Variants in RIPOR1 observed in about 807,000 individuals in gnomAD.
The protein encoded by RIPOR1 is rho family-interacting cell polarization regulator 1.
A neutral mutation model predicts 116.5 loss-of-function variants in RIPOR1; 58 were observed. That is an observed-to-expected ratio of 0.50 (90% CI 0.40 to 0.62). The LOEUF (loss-of-function observed/expected upper bound fraction) is 0.62, where lower values mean the gene tolerates loss of function less well. Ranked by LOEUF, RIPOR1 falls within the 20% of genes least tolerant of loss-of-function variation. RIPOR1 has a pLI of 0.00. For missense variants in RIPOR1, 1,372 were observed against 1,586.2 expected (o/e 0.86, Z 2.29); for synonymous variants, 605 against 650.0 (o/e 0.93, Z 1.05).
At position 67,545,172 on chromosome 16, in the gene RIPOR1, C is replaced by T. The variant is rs2051125684; in HGVS notation, c.3031+55C>T. The T allele has an allele frequency of 9.4e-6, 15 of 1,594,952 alleles. No individual in the cohort carries two copies. The highest frequency in any genetic ancestry group is 1.1e-5 in the Non-Finnish European group (13 of 1,171,532). On this transcript the variant is annotated intron_variant, in intron 17 of 21. Coordinates refer to ENST00000042381, the MANE Select transcript of RIPOR1 (RefSeq NM_024519.4). The surrounding 1 kb of genome is among the most constrained non-coding windows in gnomAD (Gnocchi z 4.8). Reference sequence around the variant, plus strand: ...TGCTCAGATTCCCAGTGACAGGAAGCTCGGGGAAGCCAGGTCAGCCCACAC... The same window carrying T: ...TGCTCAGATTCCCAGTGACAGGAAGTTCGGGGAAGCCAGGTCAGCCCACAC...
rs1199687834 is a variant in RIPOR1 at position 67,541,161 on chromosome 16, G to T, written c.802-269G>T. 6.6e-6 allele frequency among the ~76,000 whole-genome samples: 1 copy of T among 151,894 alleles called. No individual in the cohort carries two copies. The highest frequency in any genetic ancestry group is 1.5e-5 in the Non-Finnish European group (1 of 68,000). On this transcript the variant is annotated intron_variant, in intron 10 of 21. Transcript: ENST00000042381. The surrounding 1 kb of genome is among the most constrained non-coding windows in gnomAD (Gnocchi z 4.6). ...CCTCACTGCAGTCTCAAACTCCTGG[G>T]CTCAACCCATCCTCCCACTTCAGCC... is the stretch of plus-strand genomic sequence containing the variant.
Position 67,540,761 on chromosome 16 carries a change from C to T in RIPOR1, c.801+57C>T. The T allele has an allele frequency of 3.3e-6, 5 of 1,514,068 alleles. No individual in the cohort carries two copies. The highest frequency in any genetic ancestry group is 4.4e-6 in the Non-Finnish European group (5 of 1,124,634). 93.8% of individuals were successfully genotyped at this position (1,514,068 alleles called of 1,614,324 possible). A position where few individuals can be genotyped will look rare whatever the true frequency, so the allele number is the denominator to read the frequency against. On this transcript the variant is annotated intron_variant, in intron 10 of 21. Transcript: ENST00000042381. The surrounding 1 kb of genome is among the most constrained non-coding windows in gnomAD (Gnocchi z 4.7). ...ATGGCCCTGTGAACCCCTTGTGACC[C>T]CCATTACCCTGAGTCCCTTACTCCT...
In RIPOR1 at chr16:67,545,811, TCAGCAC is replaced by T; in HGVS notation, c.3340_3345del (p.Ser1114_Thr1115del). 6.2e-7 allele frequency: 1 copy of T among 1,611,238 alleles called. No individual in the cohort carries two copies. Among genetic ancestry groups the T allele is most frequent in the Non-Finnish European group, 8.5e-7 (1 of 1,178,592 alleles). On this transcript the variant is annotated inframe_deletion, in exon 19 of 22. Transcript: ENST00000042381. This position sits in a 1 kb window ranked among gnomAD's most constrained non-coding sequence, Gnocchi z 4.8. ...GGCAACAACAAGGTCATGGCTGCTG[TCAGCAC>T]CCAGCTCCGGAGCCTGTCACTGGGC...
At chr16:67,522,764 C>A (rs2050505742) in intron 1 of RIPOR1, among the ~76,000 whole-genome samples, 1 of 152,182 alleles carries the variant, frequency 6.6e-6, no homozygotes, top group South Asian at 2.1e-4. Context: ...CATGGCTCAA[C>A]TACCACTAGC....
Position 67,540,418 on chromosome 16 carries a change from A to T in RIPOR1, c.632-40A>T. The stretch of plus-strand genomic sequence containing the variant: ...TGGAGGGAGTATGCTGAAGAACCCC[A>T]ATATGGCTCACCGACTTCTCCCCTT... On this transcript the variant is annotated intron_variant, in intron 8 of 21. Transcript: ENST00000042381. This position sits in a 1 kb window ranked among gnomAD's most constrained non-coding sequence, Gnocchi z 4.7. 1 of 1,614,136 alleles carries T rather than the reference A, an allele frequency of 6.2e-7. No homozygotes were observed. The highest frequency in any genetic ancestry group is 8.5e-7 in the Non-Finnish European group (1 of 1,180,020).
chr16:67,539,080 G>T lies in RIPOR1; in HGVS notation c.336+12G>T. 6.2e-7 allele frequency: 1 copy of T among 1,610,774 alleles called. No individual in the cohort carries two copies. Among genetic ancestry groups the T allele is most frequent in the Non-Finnish European group, 8.5e-7 (1 of 1,178,860 alleles). The stretch of plus-strand genomic sequence containing the variant: ...GGAATTCCCGCTTGGTGAGTGGCGG[G>T]AGGTACGGATGCCCTTTGCCTCTTT... On this transcript the variant is annotated intron_variant, in intron 4 of 21. Transcript: ENST00000042381.
chr16:67,522,841 T>C (rs2050506382), intron 1 of RIPOR1, among the ~76,000 whole-genome samples: 1 of 151,402 alleles, frequency 6.6e-6, no homozygotes, highest in South Asian at 2.1e-4. Flanking sequence ...ACACTCTTCC[T>C]CTGGGTTGTT....
chr16:67,533,474 G>C (rs1298063203), intron 1 of RIPOR1, among the ~76,000 whole-genome samples: 6 of 152,140 alleles, frequency 3.9e-5, no homozygotes, highest in Non-Finnish European at 8.8e-5. Context: ...TGCAGCCAGA[G>C]AGGTAGATAG....
chr16:67,544,259 ATG>A lies in RIPOR1; in HGVS notation c.2601-35_2601-34del. ...AATAAACGCTGGTGACCAGGTGGTG[ATG>A]TGTGCCTGTGGGGTGGTGGACCCCA... On this transcript the variant is annotated intron_variant, in intron 14 of 21. Coordinates refer to ENST00000042381, the MANE Select transcript of RIPOR1 (RefSeq NM_024519.4). The surrounding 1 kb of genome is among the most constrained non-coding windows in gnomAD (Gnocchi z 5.1). 6.4e-7 allele frequency: 1 copy of A among 1,571,306 alleles called. No homozygotes were observed.
In RIPOR1 at chr16:67,531,128, C is replaced by T. The variant is rs2050650429; in HGVS notation, c.-24+2214C>T. Among the ~76,000 whole-genome samples, 1 of 152,072 alleles carries T rather than the reference C, an allele frequency of 6.6e-6. No individual in the cohort carries two copies. Among genetic ancestry groups the T allele is most frequent in the Admixed American group, 6.5e-5 (1 of 15,268 alleles). On this transcript the variant is annotated intron_variant, in intron 1 of 21. Coordinates refer to ENST00000042381, the MANE Select transcript of RIPOR1 (RefSeq NM_024519.4). The surrounding 1 kb of genome is among the most constrained non-coding windows in gnomAD (Gnocchi z 4.2). ...CAAGTCCAGAATCCCAGGGGATCCC[C>T]ACCCTGCACCATCCCAGGGAGCAGA...
At chr16:67,532,543 T>C (rs1357524354) in intron 1 of RIPOR1, among the ~76,000 whole-genome samples, 3 of 152,120 alleles carry the variant, frequency 2.0e-5, no homozygotes, top group Non-Finnish European at 4.4e-5. Context: ...CCCCAAACAC[T>C]TCCTATAGAG....
intron 4 of RIPOR1, 118 bp downstream of exon 4, chr16:67,539,186 A>C (rs1482418223): frequency 6.0e-6 from 5 of 831,968 alleles, no homozygotes; most frequent in Non-Finnish European, 9.3e-6. Flanking sequence ...TGTGAGTAGA[A>C]AAGGGGATAT....
At position 67,543,923 on chromosome 16, in the gene RIPOR1, T is replaced by C. The variant is rs2051081358; in HGVS notation, c.2601-376T>C. On this transcript the variant is annotated intron_variant, in intron 14 of 21. Coordinates refer to ENST00000042381, the MANE Select transcript of RIPOR1 (RefSeq NM_024519.4). This position sits in a 1 kb window ranked among gnomAD's most constrained non-coding sequence, Gnocchi z 4.7. ...CTCAACTGTCAGTCCTGGAGTGGCC[T>C]TTGCTGGTTCCCAGTTGAGAGTTGT... 5.6e-6 allele frequency: 2 copies of C among 358,682 alleles called. No individual in the cohort carries two copies. Among genetic ancestry groups the C allele is most frequent in the South Asian group, 7.5e-5 (2 of 26,562 alleles). The allele number at this position is 358,682 out of a possible 1,614,324, so 22.2% of individuals were successfully genotyped here.
intron 1 of RIPOR1, among the ~76,000 whole-genome samples, chr16:67,532,144 C>T (rs1367688392): frequency 6.6e-6 from 1 of 152,078 alleles, no homozygotes; most frequent in African/African-American, 2.4e-5. Flanking sequence ...CATGATCCGC[C>T]CTCCTCAGCC....
rs746020180 is a variant in RIPOR1 at position 67,540,482 on chromosome 16, G to A, written c.656G>A (p.Cys219Tyr). Residue 219 changes from cysteine to tyrosine, a missense_variant, in exon 9 of 22, where the codon TGT becomes TAT. By Grantham distance (194) the Cys-to-Tyr change is radical (BLOSUM62 -2). Transcript: ENST00000042381. This position sits in a 1 kb window ranked among gnomAD's most constrained non-coding sequence, Gnocchi z 4.7. ...GGGCTGGCTGGCTTCGCCAGGCTGT[G>A]TGTAGGCGATCAGTATGAGGTATGA... ...MKGLAGFARL[C>Y]VGDQYEICMK... The A allele has an allele frequency of 1.9e-6, 3 of 1,614,184 alleles. No homozygotes were observed. The highest frequency in any genetic ancestry group is 1.1e-5 in the South Asian group (1 of 91,088).
rs765628387 is a variant in RIPOR1 at position 67,540,095 on chromosome 16, C to A, written c.457C>A (p.Arg153=). ...GGCATACTGTGTCCAGCGGCGTCTC[C>A]GGGATGGTGCCTACAACATGGTCCG... ...YEAYCVQRRL[R]DGAYNMVRAY... is the part of the protein sequence containing the mutation. Residue 153 remains arginine (R), a synonymous_variant, in exon 7 of 22, where the codon CGG becomes AGG. Transcript: ENST00000042381. This position sits in a 1 kb window ranked among gnomAD's most constrained non-coding sequence, Gnocchi z 4.7. 7 of 1,614,178 alleles carry A rather than the reference C, an allele frequency of 4.3e-6. No individual in the cohort carries two copies. Among genetic ancestry groups the A allele is most frequent in the Non-Finnish European group, 5.9e-6 (7 of 1,180,020 alleles).
In RIPOR1 at chr16:67,540,286, C is replaced by A. The variant is rs752494009; in HGVS notation, c.568-14C>A. 9 of 1,613,954 alleles carry A rather than the reference C, an allele frequency of 5.6e-6. No individual in the cohort carries two copies. Among genetic ancestry groups the A allele is most frequent in the Non-Finnish European group, 7.6e-6 (9 of 1,179,934 alleles). On this transcript the variant is annotated splice_polypyrimidine_tract_variant and intron_variant, in intron 7 of 21. Coordinates refer to ENST00000042381, the MANE Select transcript of RIPOR1 (RefSeq NM_024519.4). The surrounding 1 kb of genome is among the most constrained non-coding windows in gnomAD (Gnocchi z 4.7). ...GGCCCTTGACCCCCTCCTGTCCCTG[C>A]CCCTCCCTCCCAGAGCATGTGTCTG...
rs767654650 is a variant in RIPOR1 at position 67,542,496 on chromosome 16, T to C, written c.1710T>C (p.Thr570=). ...HSAPSPLTHT[T]TGSTHKPIIS... is the part of the protein sequence containing the mutation. ...CTCCAAGCCCCCTCACTCACACTACTACAGGCTCCACCCACAAGCCCATAA... is the reference window on the plus strand; with the variant it reads ...CTCCAAGCCCCCTCACTCACACTACCACAGGCTCCACCCACAAGCCCATAA... The change falls in exon 13 of 22, where the codon ACT becomes ACC. Residue 570 remains threonine (T), a synonymous_variant. Transcript: ENST00000042381. The surrounding 1 kb of genome is among the most constrained non-coding windows in gnomAD (Gnocchi z 4.6). 9.9e-6 allele frequency: 16 copies of C among 1,613,820 alleles called. No homozygotes were observed. Among genetic ancestry groups the C allele is most frequent in the Non-Finnish European group, 1.4e-5 (16 of 1,179,950 alleles).
Position 67,546,648 on chromosome 16 carries a change from C to G in RIPOR1, c.*185C>G. The G allele has an allele frequency of 1.7e-6, 1 of 596,950 alleles. No individual in the cohort carries two copies. Among genetic ancestry groups the G allele is most frequent in the Non-Finnish European group, 3.0e-6 (1 of 335,654 alleles). The allele number at this position is 596,950 out of a possible 1,614,324, so 37.0% of individuals were successfully genotyped here. On this transcript the variant is annotated 3_prime_UTR_variant, in exon 22 of 22. Coordinates refer to ENST00000042381, the MANE Select transcript of RIPOR1 (RefSeq NM_024519.4). ...TCAGTGCCTGCAGTCAAGTGCCTCC[C>G]AGCCTCGGCTCAGCACATCCCTTGC...
Sources: allele counts gnomAD v4.1 joint callset (sites outside exome capture counted in the v4.1 genomes callset), GRCh38; gene constraint gnomAD v4.1.1; non-coding constraint Gnocchi (gnomAD v3.1); transcripts MANE v1.5; gene names NCBI Gene and HGNC (gene_info 2026-07-23, HGNC 2026-07-21).